Variants in ISOC1 observed in about 807,000 individuals in gnomAD.
The protein encoded by ISOC1 is isochorismatase domain-containing protein 1.
A neutral mutation model predicts 30.0 loss-of-function variants in ISOC1; 33 were observed. That is an observed-to-expected ratio of 1.10 (90% CI 0.83 to 1.47). ISOC1 has a LOEUF of 1.47. ISOC1 is among the 40% of genes most tolerant of loss of function. The pLI is 0.00. For synonymous variants in ISOC1, 178 were observed against 159.8 expected (o/e 1.11, Z -0.86); for missense variants, 372 against 388.0 (o/e 0.96, Z 0.35).
chr5:129,106,863 C>A, intron 3 of ISOC1, 83 bp from the exon 4 acceptor site: 1 of 947,552 alleles, frequency 1.1e-6, no homozygotes, highest in Non-Finnish European at 1.7e-6. Flanking sequence ...AGTGCTCTGT[C>A]TGCTTTATCA....
chr5:129,109,447 T>C lies in ISOC1; in HGVS notation c.750+2385T>C, dbSNP rs190092435. ...ATGTTAGCTGCTGCTTTTTTTGTTG[T>C]TACTGATTGTTGTCTTCACGTGGTT... On this transcript the variant is annotated intron_variant, in intron 4 of 4. Coordinates refer to ENST00000173527, the MANE Select transcript of ISOC1 (RefSeq NM_016048.2). Among the ~76,000 whole-genome samples, 4 of 152,328 alleles carry C rather than the reference T, an allele frequency of 2.6e-5. No homozygotes were observed. The East Asian group carries it at 7.7e-4, about 29-fold the overall frequency.
chr5:129,096,833 G>A (rs1190301435), intron 1 of ISOC1, among the ~76,000 whole-genome samples: 1 of 152,098 alleles, frequency 6.6e-6, no homozygotes, highest in Non-Finnish European at 1.5e-5. Context: ...CTAAGATAAT[G>A]CTATTCTAAA....
chr5:129,105,015 G>A lies in ISOC1; in HGVS notation c.369G>A (p.Gln123=). The change falls in exon 2 of 5, where the codon CAG becomes CAA. Residue 123 remains glutamine (Q), a synonymous_variant. Coordinates refer to ENST00000173527, the MANE Select transcript of ISOC1 (RefSeq NM_016048.2). Reference sequence around the variant, plus strand: ...CTGTGTTTTTCTGCTGTGATATGCAGGAAAGGTTCAGACCAGCCATCAAGT... The same window carrying A: ...CTGTGTTTTTCTGCTGTGATATGCAAGAAAGGTTCAGACCAGCCATCAAGT... ...SSTVFFCCDM[Q]ERFRPAIKYF... The A allele has an allele frequency of 6.2e-7, 1 of 1,613,816 alleles. No individual in the cohort carries two copies. The highest frequency in any genetic ancestry group is 8.5e-7 in the Non-Finnish European group (1 of 1,179,796).
Position 129,105,181 on chromosome 5 carries a change from T to C in ISOC1, c.430-4T>C, listed in dbSNP as rs931786364. The stretch of plus-strand genomic sequence containing the variant: ...TGTTTTTGTGTTTGGTTATTTTTTT[T>C]CAGTTGCAAGGGGCCCGGATTTTAG... On this transcript the variant is annotated splice_region_variant and splice_polypyrimidine_tract_variant and intron_variant, in intron 2 of 4. Transcript: ENST00000173527. 1 of 1,613,110 alleles carries C rather than the reference T, an allele frequency of 6.2e-7. No homozygotes were observed. The highest frequency in any genetic ancestry group is 8.5e-7 in the Non-Finnish European group (1 of 1,179,678).
At position 129,101,192 on chromosome 5, in the gene ISOC1, A is replaced by AAAT. The variant is rs1554064627; in HGVS notation, c.310-3763_310-3762insATA. The stretch of plus-strand genomic sequence containing the variant: ...AAAAAAAAAAAAAAAAAAAAAAAAA[A>AAAT]ATATATATATATATATGGTTGGGTT... On this transcript the variant is annotated intron_variant, in intron 1 of 4. Transcript: ENST00000173527. Among the ~76,000 whole-genome samples the AAAT allele has an allele frequency of 2.8e-3, 119 of 42,172 alleles. 2 individuals carry two copies. The highest frequency in any genetic ancestry group is 0.014 in the Middle Eastern group (1 of 74). 27.7% of individuals were successfully genotyped at this position (42,172 alleles called of 152,430 possible). A position where few individuals can be genotyped will look rare whatever the true frequency, so the allele number is the denominator to read the frequency against.
At position 129,112,851 on chromosome 5, in the gene ISOC1, C is replaced by T. The variant is rs767566384; in HGVS notation, c.751-4C>T. The T allele has an allele frequency of 2.5e-6, 4 of 1,609,494 alleles. No individual in the cohort carries two copies. The highest frequency in any genetic ancestry group is 2.5e-6 in the Non-Finnish European group (3 of 1,178,522). ...CTTGATTTGCCTTTATCTTTTTGTTCAAGCGTCTCGCTCGAACCGGGATCA... is the reference window on the plus strand; with the variant it reads ...CTTGATTTGCCTTTATCTTTTTGTTTAAGCGTCTCGCTCGAACCGGGATCA... On this transcript the variant is annotated splice_region_variant and splice_polypyrimidine_tract_variant and intron_variant, in intron 4 of 4. Transcript: ENST00000173527.
intron 4 of ISOC1, among the ~76,000 whole-genome samples, chr5:129,108,881 A>C (rs1209432448): frequency 2.0e-5 from 3 of 152,148 alleles, no homozygotes; most frequent in African/African-American, 7.2e-5. Flanking sequence ...TGGTAACCTG[A>C]GTTTAAATAC....
chr5:129,098,327 C>A (rs1314130695), intron 1 of ISOC1, among the ~76,000 whole-genome samples: 2 of 152,108 alleles, frequency 1.3e-5, no homozygotes, highest in South Asian at 2.1e-4. Flanking sequence ...GCCGACAGCT[C>A]AGGTAGATGA....
At chr5:129,104,622 T>C (rs1439272849) in intron 1 of ISOC1, among the ~76,000 whole-genome samples, 1 of 152,126 alleles carries the variant, frequency 6.6e-6, no homozygotes, top group Non-Finnish European at 1.5e-5. Context: ...TATGAGTATT[T>C]TTCCATGGAT....
At chr5:129,104,564 T>A (rs1753612642) in intron 1 of ISOC1, among the ~76,000 whole-genome samples, 1 of 152,170 alleles carries the variant, frequency 6.6e-6, no homozygotes, top group East Asian at 1.9e-4. Flanking sequence ...TATTCATATT[T>A]TTACATTATT....
intron 1 of ISOC1, among the ~76,000 whole-genome samples, chr5:129,096,887 T>G (rs1443378051): frequency 6.6e-6 from 1 of 152,160 alleles, no homozygotes; most frequent in African/African-American, 2.4e-5. Flanking sequence ...CAAGATAGGA[T>G]TTTTATATTT....
chr5:129,105,376 A>G lies in ISOC1; in HGVS notation c.621A>G (p.Leu207=), dbSNP rs368004430. The stretch of plus-strand genomic sequence containing the variant: ...TTCCCGGAGTCAGGAGTGTTGTATT[A>G]TTTGGAGTAGAAGTAAGTACCTGTT... The part of the protein sequence containing the change: ...AEIPGVRSVV[L]FGVETHVCIQ... The change falls in exon 3 of 5, where the codon TTA becomes TTG. Residue 207 remains leucine (L), a synonymous_variant. Coordinates refer to ENST00000173527, the MANE Select transcript of ISOC1 (RefSeq NM_016048.2). 21 of 1,613,120 alleles carry G rather than the reference A, an allele frequency of 1.3e-5. No individual in the cohort carries two copies. The highest frequency in any genetic ancestry group is 1.7e-5 in the Admixed American group (1 of 59,982).
At chr5:129,102,873 A>G (rs1753588351) in intron 1 of ISOC1, among the ~76,000 whole-genome samples, 1 of 152,248 alleles carries the variant, frequency 6.6e-6, no homozygotes, top group South Asian at 2.1e-4. Context: ...CTTGTTAGGA[A>G]TGTATACAGA....
chr5:129,113,682 A>G lies in ISOC1; in HGVS notation c.*681A>G, dbSNP rs1443125190. The G allele has an allele frequency of 2.0e-5, 3 of 152,150 alleles. No homozygotes were observed. The highest frequency in any genetic ancestry group is 1.3e-4 in the Admixed American group (2 of 15,260). 9.4% of individuals were successfully genotyped at this position (152,150 alleles called of 1,614,324 possible). A position where few individuals can be genotyped will look rare whatever the true frequency, so the allele number is the denominator to read the frequency against. On this transcript the variant is annotated 3_prime_UTR_variant, in exon 5 of 5. Coordinates refer to ENST00000173527, the MANE Select transcript of ISOC1 (RefSeq NM_016048.2). ...GGGATAGAAGGGTTTGCAATGCCAT[A>G]TTATTGGTGGAGGGCTGTTTTAACA...
chr5:129,096,225 A>G (rs1047616078), intron 1 of ISOC1, among the ~76,000 whole-genome samples: 2 of 152,184 alleles, frequency 1.3e-5, no homozygotes, highest in African/African-American at 4.8e-5. Context: ...TTTTGTAGTT[A>G]TTTTGAAATA....
rs370852985 is a variant in ISOC1 at position 129,109,301 on chromosome 5, A to T, written c.750+2239A>T. Among the ~76,000 whole-genome samples the T allele has an allele frequency of 5.9e-5, 9 of 152,348 alleles. No homozygotes were observed. The East Asian group carries it at 1.3e-3, about 23-fold the overall frequency. ...GCAAGTTGTGTAATCTCTATGCCTC[A>T]GATTTCTCATTGGTGAAATGGAAAT... On this transcript the variant is annotated intron_variant, in intron 4 of 4. Coordinates refer to ENST00000173527, the MANE Select transcript of ISOC1 (RefSeq NM_016048.2).
chr5:129,105,669 G>C (rs911488852), intron 3 of ISOC1, among the ~76,000 whole-genome samples: 2 of 152,120 alleles, frequency 1.3e-5, no homozygotes, highest in African/African-American at 4.8e-5. Context: ...TTGAATGTAT[G>C]TAAGCTGATT....
At chr5:129,108,581 C>G (rs1753665932) in intron 4 of ISOC1, among the ~76,000 whole-genome samples, 1 of 151,472 alleles carries the variant, frequency 6.6e-6, no homozygotes, top group Non-Finnish European at 1.5e-5. Context: ...ACAATCTTGG[C>G]TCATCTGCAA....
chr5:129,110,890 T>G (rs1402392975), intron 4 of ISOC1, among the ~76,000 whole-genome samples: 6 of 152,132 alleles, frequency 3.9e-5, no homozygotes, highest in African/African-American at 1.4e-4. Flanking sequence ...AAGCCTGTGA[T>G]TTAGTCCTTG....
Sources: allele counts gnomAD v4.1 joint callset (sites outside exome capture counted in the v4.1 genomes callset), GRCh38; gene constraint gnomAD v4.1.1; transcripts MANE v1.5; gene names NCBI Gene and HGNC (gene_info 2026-07-23, HGNC 2026-07-21).